GPC5: variants seen among roughly 807,000 people sequenced by gnomAD.
GPC5 encodes glypican 5.
A neutral mutation model predicts 53.9 loss-of-function variants in GPC5; 47 were observed. The observed-to-expected ratio is 0.87, with a 90% CI of 0.69 to 1.11. The LOEUF (loss-of-function observed/expected upper bound fraction) is 1.11. GPC5 is among the 50% of genes most tolerant of loss of function. The probability of loss-of-function intolerance (pLI) is 0.00; values close to 1 mark genes in which losing one functional copy is unlikely to be tolerated. For missense variants in GPC5, 748 were observed against 713.1 expected (o/e 1.05, Z -0.56); for synonymous variants, 286 against 263.3 (o/e 1.09, Z -0.84).
chr13:91,462,410 G>C (rs1204428334), intron 2 of GPC5, among the ~76,000 whole-genome samples: 2 of 152,096 alleles, frequency 1.3e-5, no homozygotes, highest in African/African-American at 2.4e-5. Context: ...AGAGCCCTCA[G>C]AATAATGTGA....
At chr13:91,989,440 A>C (rs116057891) in intron 6 of GPC5, among the ~76,000 whole-genome samples, 51 of 152,332 alleles carry the variant, frequency 3.3e-4, no homozygotes, top group African/African-American at 1.2e-3. Flanking sequence ...GCCAGGTTTT[A>C]TGTAAAATAA....
chr13:92,700,637 G>GAAGT (rs1207261374), intron 7 of GPC5, among the ~76,000 whole-genome samples: 2 of 151,884 alleles, frequency 1.3e-5, no homozygotes, highest in East Asian at 3.9e-4. Context: ...ATTTTCTCTT[G>GAAGT]AAGTCAAGTC....
intron 7 of GPC5, among the ~76,000 whole-genome samples, chr13:92,500,303 G>T (rs146410491): frequency 6.6e-6 from 1 of 152,170 alleles, no homozygotes; most frequent in Admixed American, 6.5e-5. Context: ...TCCCGGGAGA[G>T]TGCTGTGATG....
At chr13:91,500,281 T>C (rs1232295893) in intron 2 of GPC5, among the ~76,000 whole-genome samples, 1 of 152,220 alleles carries the variant, frequency 6.6e-6, no homozygotes, top group Non-Finnish European at 1.5e-5. Flanking sequence ...ATTTAGTCAA[T>C]TGATATTTGA....
At chr13:92,503,810 C>T (rs957548472) in intron 7 of GPC5, among the ~76,000 whole-genome samples, 23 of 151,986 alleles carry the variant, frequency 1.5e-4, no homozygotes, top group African/African-American at 5.5e-4. Context: ...CACCAAAGCA[C>T]AACCAAGATA....
chr13:92,545,472 C>T (rs1321614839), intron 7 of GPC5, among the ~76,000 whole-genome samples: 3 of 152,130 alleles, frequency 2.0e-5, no homozygotes, highest in Non-Finnish European at 2.9e-5. Flanking sequence ...ATTTCTAGTT[C>T]TAGATCCCTG....
At chr13:91,811,004 T>C (rs2038303647) in intron 5 of GPC5, among the ~76,000 whole-genome samples, 1 of 151,366 alleles carries the variant, frequency 6.6e-6, no homozygotes, top group African/African-American at 2.4e-5. Flanking sequence ...ATTCTCAACA[T>C]TATTTAGCAA....
At chr13:91,786,902 A>G (rs529197736) in intron 5 of GPC5, among the ~76,000 whole-genome samples, 1 of 149,574 alleles carries the variant, frequency 6.7e-6, no homozygotes, top group African/African-American at 2.4e-5. Flanking sequence ...TTCAGTACAC[A>G]GGTCTGGCAC....
At chr13:92,669,636 T>C (rs755997332) in intron 7 of GPC5, among the ~76,000 whole-genome samples, 1 of 152,158 alleles carries the variant, frequency 6.6e-6, no homozygotes, top group African/African-American at 2.4e-5. Flanking sequence ...CAATCAGCAG[T>C]TGAATCCATT....
chr13:91,930,905 G>A (rs2039815777), intron 6 of GPC5, among the ~76,000 whole-genome samples: 1 of 152,022 alleles, frequency 6.6e-6, no homozygotes, highest in Admixed American at 6.6e-5. Context: ...TCTACATAGT[G>A]ACACATGCTT....
chr13:92,824,275 C>T (rs1407968862), intron 7 of GPC5, among the ~76,000 whole-genome samples: 2 of 152,042 alleles, frequency 1.3e-5, no homozygotes, highest in Admixed American at 6.6e-5. Flanking sequence ...CTCTAGAAGC[C>T]GACATTCTCA....
chr13:92,341,481 G>A (rs1282466138), intron 7 of GPC5, among the ~76,000 whole-genome samples: 2 of 151,998 alleles, frequency 1.3e-5, no homozygotes, highest in Non-Finnish European at 2.9e-5. Flanking sequence ...GAAATTATTT[G>A]TGTGAATAAT....
intron 2 of GPC5, among the ~76,000 whole-genome samples, chr13:91,501,407 C>A (rs1263252487): frequency 6.6e-6 from 1 of 152,088 alleles, no homozygotes; most frequent in African/African-American, 2.4e-5. Flanking sequence ...CTCCCCACCC[C>A]ACAACAGGCC....
intron 7 of GPC5, among the ~76,000 whole-genome samples, chr13:92,486,699 T>A (rs550952108): frequency 5.3e-5 from 8 of 152,318 alleles, no homozygotes; most frequent in African/African-American, 1.9e-4. Context: ...CTAATATGAA[T>A]CGTGCTCTAC....
At position 92,318,772 on chromosome 13, in the gene GPC5, C is replaced by T. The variant is rs76929539; in HGVS notation, c.1561+173783C>T. Among the ~76,000 whole-genome samples, 1,361 of 152,180 alleles carry T rather than the reference C, an allele frequency of 8.9e-3. 9 individuals carry two copies. The highest frequency in any genetic ancestry group is 0.019 in the African/African-American group (801 of 41,532). On this transcript the variant is annotated intron_variant, in intron 7 of 7. Transcript: ENST00000377067. ...CTGTAGAATTGCATATATGTTCTTA[C>T]GGTAGAAATGATCACAAGGTACTAT...
intron 6 of GPC5, among the ~76,000 whole-genome samples, chr13:91,976,614 C>T (rs2040304833): frequency 6.6e-6 from 1 of 152,256 alleles, no homozygotes; most frequent in African/African-American, 2.4e-5. Context: ...AATTATGACA[C>T]GTGAAGAGTC....
chr13:92,329,021 A>G (rs990124508), intron 7 of GPC5, among the ~76,000 whole-genome samples: 4 of 152,082 alleles, frequency 2.6e-5, no homozygotes, highest in Admixed American at 2.6e-4. Flanking sequence ...TTATGCCACA[A>G]ACTATGTCAG....
rs553380044 is a variant in GPC5 at position 91,505,499 on chromosome 13, T to C, written c.325+56577T>C. On this transcript the variant is annotated intron_variant, in intron 2 of 7. Transcript: ENST00000377067. Reference sequence around the variant, plus strand: ...TGATGTGACTTTGTCCCCTCTACTTTCTGGACTTCCAACTTCCTGAATACT... The same window carrying C: ...TGATGTGACTTTGTCCCCTCTACTTCCTGGACTTCCAACTTCCTGAATACT... 3.3e-5 allele frequency among the ~76,000 whole-genome samples: 5 copies of C among 152,332 alleles called. No individual in the cohort carries two copies. In the South Asian group the frequency reaches 1.0e-3, roughly 32 times the overall value.
intron 2 of GPC5, among the ~76,000 whole-genome samples, chr13:91,577,761 C>T (rs1233218837): frequency 6.6e-6 from 1 of 152,148 alleles, no homozygotes; most frequent in Non-Finnish European, 1.5e-5. Flanking sequence ...GGAAATACAG[C>T]TCTAAAATGG....
Sources: allele counts gnomAD v4.1 joint callset (sites outside exome capture counted in the v4.1 genomes callset), GRCh38; gene constraint gnomAD v4.1.1; transcripts MANE v1.5; gene names NCBI Gene and HGNC (gene_info 2026-07-23, HGNC 2026-07-21).